DARS2: variants seen among roughly 807,000 people sequenced by gnomAD.
The protein encoded by DARS2 is aspartate--tRNA ligase, mitochondrial.
Under a neutral mutation model 83.0 loss-of-function variants are expected in DARS2, and 63 were observed. The ratio of observed to expected loss-of-function variants is 0.76; its 90% CI spans 0.62 to 0.94. The LOEUF (loss-of-function observed/expected upper bound fraction) is 0.94. Among genes scored for constraint, DARS2 ranks in the 40% least tolerant of loss-of-function variants. The pLI, the probability that DARS2 is intolerant of heterozygous loss-of-function variation, is 0.00. For missense variants in DARS2, 675 were observed against 774.4 expected (o/e 0.87, Z 1.52); for synonymous variants, 250 against 269.3 (o/e 0.93, Z 0.70).
chr1:173,831,131 G>T (rs1007971314), intron 4 of DARS2, among the ~76,000 whole-genome samples: 12 of 151,820 alleles, frequency 7.9e-5, no homozygotes, highest in African/African-American at 2.9e-4. Context: ...TGGCCAGGAT[G>T]GTCACCATCT....
At chr1:173,856,901 C>T (rs966513536) in intron 16 of DARS2, among the ~76,000 whole-genome samples, 160 bp downstream of exon 16, 2 of 152,136 alleles carry the variant, frequency 1.3e-5, no homozygotes, top group South Asian at 4.1e-4. Flanking sequence ...TTAAATATAT[C>T]TTAACAGTTA....
intron 1 of DARS2, 88 bp downstream of exon 1, chr1:173,825,444 T>C (rs923510424): frequency 1.5e-5 from 12 of 821,722 alleles, no homozygotes; most frequent in South Asian, 1.1e-4. Flanking sequence ...TTTCATTTTT[T>C]CCCCCATTAT....
At chr1:173,843,835 C>T (rs926996627) in intron 11 of DARS2, among the ~76,000 whole-genome samples, 2 of 152,218 alleles carry the variant, frequency 1.3e-5, no homozygotes, top group African/African-American at 2.4e-5. Context: ...GTGGGTGAGG[C>T]TTCAGAGATT....
At chr1:173,829,318 G>A (rs1373054346) in intron 3 of DARS2, among the ~76,000 whole-genome samples, 3 of 151,844 alleles carry the variant, frequency 2.0e-5, no homozygotes, top group Non-Finnish European at 4.4e-5. Context: ...AGGAACTGAG[G>A]GCGTTGAAAA....
At chr1:173,855,457 TTG>T (rs1313102074) in intron 15 of DARS2, among the ~76,000 whole-genome samples, 1 of 151,832 alleles carries the variant, frequency 6.6e-6, no homozygotes, top group Non-Finnish European at 1.5e-5. Context: ...CCATTGGGTT[TTG>T]TGTGTTTGTT....
In DARS2 at chr1:173,842,317, T is replaced by TTTTTTTTTTTTTTTTTTTTTTTG. The variant is rs1304745729; in HGVS notation, c.1128+1344_1128+1345insTTTTTTTTTTTTTTTTTTTTTTG. 2.2e-4 allele frequency among the ~76,000 whole-genome samples: 26 copies of TTTTTTTTTTTTTTTTTTTTTTTG among 116,626 alleles called. 7 individuals are homozygous for TTTTTTTTTTTTTTTTTTTTTTTG. Among genetic ancestry groups the TTTTTTTTTTTTTTTTTTTTTTTG allele is most frequent in the African/African-American group, 1.1e-3 (25 of 23,538 alleles). 76.5% of individuals were successfully genotyped at this position (116,626 alleles called of 152,430 possible). ...TTTTTTTTTTTTTTTTTTTTTTTTT[T>TTTTTTTTTTTTTTTTTTTTTTTG]AGAGTGAGTCTTGCTCTGTCGCCCA... On this transcript the variant is annotated intron_variant, in intron 11 of 16. Coordinates refer to ENST00000649689, the MANE Select transcript of DARS2 (RefSeq NM_018122.5).
Position 173,845,658 on chromosome 1 carries a change from G to A in DARS2, c.1191+367G>A, listed in dbSNP as rs535002260. 7.7e-3 allele frequency among the ~76,000 whole-genome samples: 1,174 copies of A among 152,178 alleles called. 13 individuals are homozygous for A. The highest frequency in any genetic ancestry group is 0.024 in the Middle Eastern group (7 of 294). On this transcript the variant is annotated intron_variant, in intron 12 of 16. Transcript: ENST00000649689. ...GTGGGAGAATCACCTGAGCCTGGGG[G>A]TCGAGGCTACAGTGAGCTGAGATCG... is the stretch of plus-strand genomic sequence containing the variant.
rs2102638578 is a variant in DARS2 at position 173,830,724 on chromosome 1, G to C, written c.359G>C (p.Gly120Ala). 6.2e-7 allele frequency: 1 copy of C among 1,614,008 alleles called. No homozygotes were observed. Among genetic ancestry groups the C allele is most frequent in the Non-Finnish European group, 8.5e-7 (1 of 1,179,920 alleles). ...GTGGAATCTGTGGTGCAAGTGTCTGGTACAGTCATTTCCCGTCCTGCAGGA... is the reference window on the plus strand; with the variant it reads ...GTGGAATCTGTGGTGCAAGTGTCTGCTACAGTCATTTCCCGTCCTGCAGGA... ...APVESVVQVS[G>A]TVISRPAGQE... The change falls in exon 4 of 17, where the codon GGT becomes GCT. Residue 120 changes from glycine (G) to alanine (A), a missense_variant. Physicochemically the swap from Gly to Ala is moderately conservative, Grantham distance 60. Transcript: ENST00000649689.
chr1:173,847,297 C>T (rs994560615), intron 12 of DARS2, among the ~76,000 whole-genome samples: 1 of 151,908 alleles, frequency 6.6e-6, no homozygotes, highest in African/African-American at 2.4e-5. Context: ...AATTGGCAAC[C>T]CTTTATCTTC....
chr1:173,837,020 A>G lies in DARS2; in HGVS notation c.744A>G (p.Gln248=), dbSNP rs1204291565. The G allele has an allele frequency of 1.9e-6, 3 of 1,613,806 alleles. No homozygotes were observed. Among genetic ancestry groups the G allele is most frequent in the African/African-American group, 1.3e-5 (1 of 74,898 alleles). The part of the protein sequence containing the change: ...SLPQSPQQFK[Q]LLMVGGLDRY... ...CTCAGAGTCCTCAACAGTTTAAGCAACTTCTGATGGTTGGCGGTTTAGACA... is the reference window on the plus strand; with the variant it reads ...CTCAGAGTCCTCAACAGTTTAAGCAGCTTCTGATGGTTGGCGGTTTAGACA... The change falls in exon 8 of 17, where the codon CAA becomes CAG. Residue 248 remains glutamine, a synonymous_variant. Coordinates refer to ENST00000649689, the MANE Select transcript of DARS2 (RefSeq NM_018122.5).
In DARS2 at chr1:173,834,341, G is replaced by C. The variant is rs1379893928; in HGVS notation, c.617-132G>C. 9.9e-6 allele frequency: 7 copies of C among 705,306 alleles called. No homozygotes were observed. The Middle Eastern group carries it at 1.5e-3, about 150-fold the overall frequency. The allele number at this position is 705,306 out of a possible 1,614,324, so 43.7% of individuals were successfully genotyped here. On this transcript the variant is annotated intron_variant, in intron 6 of 16. Transcript: ENST00000649689. ...GATTTGTAGAAACCAGCACCAGTAG[G>C]CTTGGTAGCTTATTTCAGCTAAAAT...
At chr1:173,842,938 TAA>T (rs532765288) in intron 11 of DARS2, among the ~76,000 whole-genome samples, 30 of 120,170 alleles carry the variant, frequency 2.5e-4, no homozygotes, top group Admixed American at 4.4e-4. Flanking sequence ...CACTCCATCT[TAA>T]AAAAAAAAAA....
chr1:173,839,588 C>T (rs1391256900), intron 10 of DARS2, 42 bp downstream of exon 10: 2 of 1,580,392 alleles, frequency 1.3e-6, no homozygotes, highest in Admixed American at 1.7e-5. Context: ...CCCAAATAAT[C>T]CTGCAGTCTT....
chr1:173,836,858 A>G (rs1653022757), intron 7 of DARS2, 82 bp from the exon 8 acceptor site: 1 of 1,127,030 alleles, frequency 8.9e-7, no homozygotes, highest in African/African-American at 1.5e-5. Context: ...CTGAAGTAAC[A>G]ACTTCTACTA....
At chr1:173,828,984 G>A (rs562257884) in intron 3 of DARS2, among the ~76,000 whole-genome samples, 1 of 152,032 alleles carries the variant, frequency 6.6e-6, no homozygotes, top group East Asian at 1.9e-4. Flanking sequence ...TAAGAGACTG[G>A]CTTAAAAAAT....
At position 173,833,515 on chromosome 1, in the gene DARS2, G is replaced by A; in HGVS notation, c.616+16G>A. On this transcript the variant is annotated intron_variant, in intron 6 of 16. Transcript: ENST00000649689. ...AATCTGCATGGTAAGAGAAATGCCT[G>A]GATGCTCTTTGGAGCTTTGTAGCAT... 1 of 1,613,994 alleles carries A rather than the reference G, an allele frequency of 6.2e-7. No individual in the cohort carries two copies. Among genetic ancestry groups the A allele is most frequent in the Non-Finnish European group, 8.5e-7 (1 of 1,179,960 alleles).
chr1:173,846,664 C>T (rs987343752), intron 12 of DARS2, among the ~76,000 whole-genome samples: 1 of 151,624 alleles, frequency 6.6e-6, no homozygotes, highest in Non-Finnish European at 1.5e-5. Context: ...GGCATGGTGG[C>T]ACACACCTGT....
At position 173,857,629 on chromosome 1, in the gene DARS2, T is replaced by C. The variant is rs774191381; in HGVS notation, c.1862T>C (p.Val621Ala). The C allele has an allele frequency of 3.1e-6, 5 of 1,614,110 alleles. No individual in the cohort carries two copies. The East Asian group carries it at 8.9e-5, about 29-fold the overall frequency. ...CTCATGAGCAATACCCCAGATTCTG[T>C]CCCTCCTGAGGAACTGAAGCCCTAT... ...HDLMSNTPDS[V>A]PPEELKPYHI... The change falls in exon 17 of 17, where the codon GTC (valine) becomes GCC (alanine). Residue 621 changes from valine (V) to alanine (A), a missense_variant. Physicochemically the swap from Val to Ala is moderately conservative, Grantham distance 64. Transcript: ENST00000649689.
chr1:173,832,518 C>T (rs1652829199), intron 5 of DARS2, among the ~76,000 whole-genome samples: 1 of 152,116 alleles, frequency 6.6e-6, no homozygotes, highest in Non-Finnish European at 1.5e-5. Context: ...CACCTGTAAT[C>T]CCAGCACTTT....
Sources: gnomAD v4.1 joint callset for allele counts (sites outside exome capture counted in the v4.1 genomes callset) on GRCh38, gnomAD v4.1.1 for gene constraint, MANE v1.5 for transcripts, NCBI Gene and HGNC (gene_info 2026-07-23, HGNC 2026-07-21) for gene names.